Variants in VIL1 observed in about 807,000 individuals in gnomAD.
VIL1 encodes the protein villin 1.
A neutral mutation model predicts 104.0 loss-of-function variants in VIL1; 86 were observed. That is an observed-to-expected ratio of 0.83 (90% CI 0.69 to 0.99). The LOEUF (loss-of-function observed/expected upper bound fraction) is 0.99, where lower values mean the gene tolerates loss of function less well. VIL1 is among the 50% of genes least tolerant of loss of function. The pLI is 0.00. For missense variants in VIL1, 944 were observed against 1,054.1 expected (o/e 0.90, Z 1.45); for synonymous variants, 394 against 412.6 (o/e 0.95, Z 0.55).
Position 218,429,542 on chromosome 2 carries a change from C to T in VIL1, c.770+55C>T. ...CTGGGGACTCCCTGGGAGAAGGTGCCCTGGCTGAGGGACTTGGGCCCCCTC... is the reference window on the plus strand; with the variant it reads ...CTGGGGACTCCCTGGGAGAAGGTGCTCTGGCTGAGGGACTTGGGCCCCCTC... On this transcript the variant is annotated intron_variant, in intron 7 of 19. Transcript: ENST00000248444. 5.0e-6 allele frequency: 8 copies of T among 1,613,736 alleles called. No homozygotes were observed. In the South Asian group the frequency reaches 7.7e-5, roughly 16 times the overall value.
chr2:218,436,391 T>C, intron 15 of VIL1, 91 bp from the exon 16 acceptor site: 1 of 1,512,616 alleles, frequency 6.6e-7, no homozygotes, highest in Non-Finnish European at 8.9e-7. Flanking sequence ...GACCTTTCTA[T>C]GCCAGAGTCC....
rs140610210 is a variant in VIL1, at chr2:218,424,305, G to A, written c.104G>A (p.Ser35Asn). 38 of 1,613,876 alleles carry A rather than the reference G, an allele frequency of 2.4e-5. No individual in the cohort carries two copies. The African/African-American group carries it at 4.3e-4, about 18-fold the overall frequency. The stretch of plus-strand genomic sequence containing the variant: ...ATGCAGATGGTGCCTGTTCCTTCCA[G>A]CACCTTTGGAAGCTTCTTCGATGGT... ...EAMQMVPVPS[S>N]TFGSFFDGDC... is the part of the protein sequence containing the mutation. The change falls in exon 3 of 20, where the codon AGC becomes AAC. Residue 35 changes from serine (S) to asparagine (N), a missense_variant. Ser to Asn is a conservative substitution (Grantham distance 46). Transcript: ENST00000248444.
chr2:218,425,915 T>G (rs1574812385), intron 4 of VIL1, 104 bp downstream of exon 4: 9 of 1,216,012 alleles, frequency 7.4e-6, no homozygotes, highest in Admixed American at 6.0e-5. Context: ...TGTTCAGGCC[T>G]GGGAAGAACA....
intron 18 of VIL1, among the ~76,000 whole-genome samples, chr2:218,439,816 C>CAAAA (rs35708356): frequency 7.8e-5 from 4 of 51,102 alleles, no homozygotes; most frequent in African/African-American, 1.2e-4. Flanking sequence ...GACCCTGTCT[C>CAAAA]AAAAAAAAAA....
chr2:218,431,778 A>G lies in VIL1; in HGVS notation c.1103-79A>G. The G allele has an allele frequency of 6.0e-6, 7 of 1,170,796 alleles. No homozygotes were observed. The South Asian group carries it at 7.9e-5, about 13-fold the overall frequency. The allele number at this position is 1,170,796 out of a possible 1,614,324, so 72.5% of individuals were successfully genotyped here. A position where few individuals can be genotyped will look rare whatever the true frequency, so the allele number is the denominator to read the frequency against. On this transcript the variant is annotated intron_variant, in intron 10 of 19. Coordinates refer to ENST00000248444, the MANE Select transcript of VIL1 (RefSeq NM_007127.3). ...ATCTGAAAATGAGTCTAAGAATTGT[A>G]GCCACCATTCAGGGCTGTTGTGAGG...
At position 218,449,448 on chromosome 2, in the gene VIL1, A is replaced by G; in HGVS notation, c.*112A>G. 1 of 834,742 alleles carries G rather than the reference A, an allele frequency of 1.2e-6. No individual in the cohort carries two copies. The highest frequency in any genetic ancestry group is 2.0e-6 in the Non-Finnish European group (1 of 501,808). The allele number at this position is 834,742 out of a possible 1,614,324, so 51.7% of individuals were successfully genotyped here. ...GTGAAATTTTGCAGATGTGCCTATGAGCACAAACTTCTGTGGCAAATGCCA... is the reference window on the plus strand; with the variant it reads ...GTGAAATTTTGCAGATGTGCCTATGGGCACAAACTTCTGTGGCAAATGCCA... On this transcript the variant is annotated 3_prime_UTR_variant, in exon 20 of 20. Coordinates refer to ENST00000248444, the MANE Select transcript of VIL1 (RefSeq NM_007127.3).
rs746048158 is a variant in VIL1, at chr2:218,432,119, G to T, written c.1277G>T (p.Cys426Phe). 2.5e-6 allele frequency: 4 copies of T among 1,613,806 alleles called. No individual in the cohort carries two copies. Among genetic ancestry groups the T allele is most frequent in the Non-Finnish European group, 2.5e-6 (3 of 1,179,968 alleles). ...KWLGHFYGGD[C>F]YLLLYTYLIG... is the part of the protein sequence containing the mutation. ...CTAGGCCACTTCTATGGGGGCGACTGCTACCTGCTGCTCTACACCTACCTC... is the reference window on the plus strand; with the variant it reads ...CTAGGCCACTTCTATGGGGGCGACTTCTACCTGCTGCTCTACACCTACCTC... The change falls in exon 12 of 20, where the codon TGC (cysteine) becomes TTC (phenylalanine). Residue 426 changes from cysteine (C) to phenylalanine (F), a missense_variant. Transcript: ENST00000248444.
chr2:218,426,941 G>A (rs184283120), intron 4 of VIL1, among the ~76,000 whole-genome samples: 262 of 152,194 alleles, frequency 1.7e-3, no homozygotes, highest in Middle Eastern at 3.4e-3. Flanking sequence ...TAGAGACGAA[G>A]GTCTTGCTCT....
rs1400012074 is a variant in VIL1 at position 218,451,113 on chromosome 2, T to C, written c.*1777T>C. 5 of 152,242 alleles carry C rather than the reference T, an allele frequency of 3.3e-5. No homozygotes were observed. In the East Asian group the frequency reaches 9.6e-4, roughly 29 times the overall value. The allele number at this position is 152,242 out of a possible 1,614,324, so 9.4% of individuals were successfully genotyped here. A position where few individuals can be genotyped will look rare whatever the true frequency, so the allele number is the denominator to read the frequency against. ...ATAAGACATATCAGTAGAGACAAAA[T>C]TAGGATTTTGAAGTAATGCAATAAA... On this transcript the variant is annotated 3_prime_UTR_variant, in exon 20 of 20. Coordinates refer to ENST00000248444, the MANE Select transcript of VIL1 (RefSeq NM_007127.3).
Position 218,429,960 on chromosome 2 carries a change from G to A in VIL1, c.948+13G>A, listed in dbSNP as rs766979298. On this transcript the variant is annotated intron_variant, in intron 9 of 19. Coordinates refer to ENST00000248444, the MANE Select transcript of VIL1 (RefSeq NM_007127.3). The stretch of plus-strand genomic sequence containing the variant: ...GAGCCATGCGCTGGTAGTGGTGGGG[G>A]CGGGGGAGGGTCCAGGAGGAGGGCA... 1 of 1,476,732 alleles carries A rather than the reference G, an allele frequency of 6.8e-7. No homozygotes were observed. The highest frequency in any genetic ancestry group is 9.5e-7 in the Non-Finnish European group (1 of 1,056,200). The allele number at this position is 1,476,732 out of a possible 1,614,324, so 91.5% of individuals were successfully genotyped here.
Position 218,429,583 on chromosome 2 carries a change from C to T in VIL1, c.771-14C>T. The T allele has an allele frequency of 6.2e-7, 1 of 1,614,166 alleles. No individual in the cohort carries two copies. Among genetic ancestry groups the T allele is most frequent in the Non-Finnish European group, 8.5e-7 (1 of 1,180,030 alleles). The stretch of plus-strand genomic sequence containing the variant: ...GGGCCCCCTCCCCATCTATGCCTTG[C>T]TTCTGTCCTGCAGTGTGTCTGACTC... On this transcript the variant is annotated splice_polypyrimidine_tract_variant and intron_variant, in intron 7 of 19. Coordinates refer to ENST00000248444, the MANE Select transcript of VIL1 (RefSeq NM_007127.3).
In VIL1 at chr2:218,425,596, C is replaced by G. The variant is rs1467439639; in HGVS notation, c.151-19C>G. 1 of 1,613,326 alleles carries G rather than the reference C, an allele frequency of 6.2e-7. No homozygotes were observed. Among genetic ancestry groups the G allele is most frequent in the Non-Finnish European group, 8.5e-7 (1 of 1,179,616 alleles). On this transcript the variant is annotated intron_variant, in intron 3 of 19. Coordinates refer to ENST00000248444, the MANE Select transcript of VIL1 (RefSeq NM_007127.3). The stretch of plus-strand genomic sequence containing the variant: ...GTGGGAGCCCAGGGTCTCGGGTACA[C>G]TGGACACCTTTTCCCTAGATCCACA...
intron 6 of VIL1, 119 bp from the exon 7 acceptor site, chr2:218,429,166 G>T: frequency 8.6e-7 from 1 of 1,166,906 alleles, no homozygotes; most frequent in East Asian, 2.4e-5. Flanking sequence ...AAGCAGGGCA[G>T]GGGTCTCAAC....
At chr2:218,446,760 CTTTTTTTTT>C (rs71064450) in intron 19 of VIL1, among the ~76,000 whole-genome samples, 9 of 125,578 alleles carry the variant, frequency 7.2e-5, no homozygotes, top group Admixed American at 7.8e-5. Flanking sequence ...GTGACCTTGA[CTTTTTTTTT>C]TTTTTTTTTT....
At chr2:218,448,370 G>A (rs916895250) in intron 19 of VIL1, among the ~76,000 whole-genome samples, 2 of 152,114 alleles carry the variant, frequency 1.3e-5, no homozygotes, top group Non-Finnish European at 2.9e-5. Context: ...TTCGAGACCA[G>A]CCTGGCCAAC....
At chr2:218,432,679 C>T in intron 12 of VIL1, 114 bp from the exon 13 acceptor site, 6 of 1,373,232 alleles carry the variant, frequency 4.4e-6, no homozygotes, top group Non-Finnish European at 5.0e-6. Context: ...GTGGGGAAGA[C>T]AATTGGGTTT....
intron 3 of VIL1, 26 bp from the exon 4 acceptor site, chr2:218,425,589 G>GGGTACACTGGACACCTTTTCCCTA: frequency 6.2e-7 from 1 of 1,611,550 alleles, no homozygotes; most frequent in Non-Finnish European, 8.5e-7. Flanking sequence ...CCAGGGTCTC[G>GGGTACACTGGACACCTTTTCCCTA]GGTACACTGG....
chr2:218,448,757 C>A (rs1689411637), intron 19 of VIL1, among the ~76,000 whole-genome samples: 1 of 152,008 alleles, frequency 6.6e-6, no homozygotes, highest in African/African-American at 2.4e-5. Context: ...GTAATCCCAG[C>A]ACTTTGGGAG....
At chr2:218,436,704 G>A in intron 16 of VIL1, 78 bp downstream of exon 16, 1 of 1,519,658 alleles carries the variant, frequency 6.6e-7, no homozygotes, top group Non-Finnish European at 8.9e-7. Context: ...TTTAAGGTTA[G>A]GTAAGTGTCA....
Sources: gnomAD v4.1 joint callset for allele counts (sites outside exome capture counted in the v4.1 genomes callset) on GRCh38, gnomAD v4.1.1 for gene constraint, MANE v1.5 for transcripts, NCBI Gene and HGNC (gene_info 2026-07-23, HGNC 2026-07-21) for gene names.